Variants in PITPNC1 observed in about 807,000 individuals in gnomAD.
PITPNC1 encodes cytoplasmic phosphatidylinositol transfer protein 1.
PITPNC1 carries 18 observed loss-of-function variants against 44.7 expected under a neutral mutation model. The observed-to-expected ratio is 0.40, with a 90% CI of 0.28 to 0.60. The LOEUF is 0.60. PITPNC1 is among the 20% of genes least tolerant of loss of function. The pLI is 0.39. For synonymous variants in PITPNC1, 141 were observed against 149.6 expected, an observed-to-expected ratio of 0.94 and a Z score of 0.42; for missense variants, 290 against 418.4, an observed-to-expected ratio of 0.69 and a Z score of 2.68.
chr17:67,450,086 T>G (rs1359806946), intron 1 of PITPNC1, among the ~76,000 whole-genome samples: 2 of 152,260 alleles, frequency 1.3e-5, no homozygotes, highest in African/African-American at 4.8e-5. Context: ...ACAAGTCACA[T>G]AAACAACACT....
chr17:67,585,126 A>AT (rs2041295519), intron 5 of PITPNC1, among the ~76,000 whole-genome samples: 5 of 151,282 alleles, frequency 3.3e-5, no homozygotes, highest in South Asian at 4.2e-4. Context: ...CAGAAAAAAA[A>AT]AAAAAAAAAA....
At chr17:67,542,123 C>A (rs2040618032) in intron 2 of PITPNC1, among the ~76,000 whole-genome samples, 1 of 152,180 alleles carries the variant, frequency 6.6e-6, no homozygotes, top group Non-Finnish European at 1.5e-5. Context: ...TGTCCTGATT[C>A]TCCTCCAGCA....
chr17:67,668,673 C>G (rs1205252159), intron 6 of PITPNC1, among the ~76,000 whole-genome samples: 1 of 152,096 alleles, frequency 6.6e-6, no homozygotes, highest in Non-Finnish European at 1.5e-5. Context: ...ACCATCCTGG[C>G]TAACACAGTG....
At chr17:67,546,784 C>T (rs1270461578) in intron 2 of PITPNC1, among the ~76,000 whole-genome samples, 2 of 152,126 alleles carry the variant, frequency 1.3e-5, no homozygotes, top group African/African-American at 4.8e-5. Flanking sequence ...GCCGGGGAGG[C>T]CCCGGCAGCC....
intron 1 of PITPNC1, among the ~76,000 whole-genome samples, chr17:67,395,380 C>T (rs1567973802): frequency 6.6e-6 from 1 of 152,042 alleles, no homozygotes; most frequent in Non-Finnish European, 1.5e-5. Flanking sequence ...AACTCTTAGC[C>T]TCAAGCAATC....
chr17:67,613,855 G>A (rs2041721947), intron 5 of PITPNC1: 1 of 139,712 alleles, frequency 7.2e-6, no homozygotes, highest in East Asian at 2.1e-4. Flanking sequence ...TGGTTTAGGA[G>A]GTCAATGCTG....
At chr17:67,515,351 T>G (rs902361674) in intron 1 of PITPNC1, among the ~76,000 whole-genome samples, 2 of 152,306 alleles carry the variant, frequency 1.3e-5, no homozygotes, top group African/African-American at 2.4e-5. Flanking sequence ...CTGGAGCCTC[T>G]CCCTTGTTCT....
At chr17:67,619,731 G>T (rs946793966) in intron 5 of PITPNC1, among the ~76,000 whole-genome samples, 4 of 148,226 alleles carry the variant, frequency 2.7e-5, no homozygotes, top group African/African-American at 9.9e-5. Flanking sequence ...CCCGCTCCCA[G>T]CTCACCCCCC....
chr17:67,515,111 A>G, intron 1 of PITPNC1, among the ~76,000 whole-genome samples: 1 of 152,218 alleles, frequency 6.6e-6, no homozygotes, highest in East Asian at 1.9e-4. Context: ...TAATTTTAGA[A>G]GGAACCAGGC....
At chr17:67,517,149 T>A (rs2040269852) in intron 1 of PITPNC1, among the ~76,000 whole-genome samples, 1 of 152,240 alleles carries the variant, frequency 6.6e-6, no homozygotes, top group African/African-American at 2.4e-5. Context: ...CTGCCTGCGA[T>A]CGTTGTTCAA....
intron 5 of PITPNC1, among the ~76,000 whole-genome samples, chr17:67,582,901 C>T (rs1229682755): frequency 2.0e-5 from 3 of 152,194 alleles, no homozygotes; most frequent in African/African-American, 4.8e-5. Context: ...CATGTGGTGA[C>T]GGCTGCCAGG....
intron 1 of PITPNC1, among the ~76,000 whole-genome samples, chr17:67,435,044 G>C (rs1304861288): frequency 2.0e-5 from 3 of 149,018 alleles, no homozygotes; most frequent in African/African-American, 7.5e-5. Context: ...GGGAGATGGA[G>C]CTTGCAGTGA....
At chr17:67,660,856 C>T (rs1218393954) in intron 6 of PITPNC1, among the ~76,000 whole-genome samples, 1 of 138,480 alleles carries the variant, frequency 7.2e-6, no homozygotes, top group African/African-American at 2.7e-5. Flanking sequence ...TCATGAATCA[C>T]ATTCTCTTTT....
intron 1 of PITPNC1, among the ~76,000 whole-genome samples, chr17:67,514,486 T>C (rs1309527417): frequency 4.0e-5 from 6 of 150,278 alleles, no homozygotes; most frequent in Admixed American, 3.3e-4. Flanking sequence ...GCGTGAGCCA[T>C]CATGCCTGGC....
chr17:67,423,517 C>T (rs988899843), intron 1 of PITPNC1, among the ~76,000 whole-genome samples: 5 of 152,126 alleles, frequency 3.3e-5, no homozygotes, highest in Non-Finnish European at 7.3e-5. Flanking sequence ...TATTTTCAAC[C>T]GACCTGACTA....
chr17:67,476,334 G>C (rs964261500), intron 1 of PITPNC1, among the ~76,000 whole-genome samples: 3 of 152,148 alleles, frequency 2.0e-5, no homozygotes, highest in Non-Finnish European at 4.4e-5. Flanking sequence ...TTACAGGCAT[G>C]CACCACCATG....
intron 1 of PITPNC1, among the ~76,000 whole-genome samples, chr17:67,432,588 T>C (rs920365428): frequency 1.3e-5 from 2 of 152,140 alleles, no homozygotes; most frequent in African/African-American, 4.8e-5. Flanking sequence ...TAAAGGTCCG[T>C]GTATAATTTT....
chr17:67,427,227 T>C (rs2038779854), intron 1 of PITPNC1, among the ~76,000 whole-genome samples: 1 of 152,158 alleles, frequency 6.6e-6, no homozygotes, highest in Admixed American at 6.6e-5. Flanking sequence ...ATTTATTTTT[T>C]TGAGACAGAG....
intron 1 of PITPNC1, among the ~76,000 whole-genome samples, chr17:67,507,408 C>G (rs142333379): frequency 6.6e-6 from 1 of 151,980 alleles, no homozygotes; most frequent in Non-Finnish European, 1.5e-5. Flanking sequence ...TGTCTGGGCA[C>G]GCATGGTGGC....
Sources: allele counts gnomAD v4.1 joint callset (sites outside exome capture counted in the v4.1 genomes callset), GRCh38; gene constraint gnomAD v4.1.1; transcripts MANE v1.5; gene names NCBI Gene and HGNC (gene_info 2026-07-23, HGNC 2026-07-21).